The following NID1 variants were observed in gnomAD, a reference collection of about 807,000 sequenced individuals.
NID1 encodes nidogen-1.
Under a neutral mutation model 130.6 loss-of-function variants are expected in NID1, and 76 were observed. The ratio of observed to expected loss-of-function variants is 0.58; its 90% confidence interval spans 0.48 to 0.70. NID1 has a LOEUF of 0.70. NID1 is among the 30% of genes least tolerant of loss of function. NID1 has a pLI of 0.00. For synonymous variants in NID1, 665 were observed against 675.1 expected (o/e 0.98, Z 0.23); for missense variants, 1,517 against 1,664.8 (o/e 0.91, Z 1.54).
intron 4 of NID1, among the ~76,000 whole-genome samples, chr1:236,039,461 C>G (rs1337133674): frequency 6.6e-6 from 1 of 151,906 alleles, no homozygotes; most frequent in African/African-American, 2.4e-5. Context: ...AGCACTTATA[C>G]TCAAAAGCTG....
intron 5 of NID1, among the ~76,000 whole-genome samples, chr1:236,034,820 AG>A (rs1659205083): frequency 6.6e-6 from 1 of 152,146 alleles, no homozygotes; most frequent in Non-Finnish European, 1.5e-5. Flanking sequence ...CTGAAGGAAG[AG>A]GGAAAACAAA....
rs3738531 is a variant in NID1 at position 236,012,027 on chromosome 1, C to A, written c.2421G>T (p.Gln807His). 192,946 of 1,613,340 alleles carry A rather than the reference C, an allele frequency of 0.12. 14,961 individuals are homozygous for A. Among genetic ancestry groups the A allele is most frequent in the Admixed American group, 0.29 (17,603 of 59,988 alleles). ...AGGCGTCAGGGTGACATCGGCTTGG[C>A]TGGCATTCATCTACATCTGTAAAAC... ...GQACQDVDECQPSRCHPDAFC... is the reference protein window; with the variant it reads ...GQACQDVDECHPSRCHPDAFC... Residue 807 changes from glutamine (Q) to histidine (H), a missense_variant, in exon 12 of 20, where the codon CAG (glutamine) becomes CAT (histidine). Physicochemically the swap from Gln to His is conservative, Grantham distance 24. Around this residue, in one of 3 missense-constraint regions of NID1, gnomAD observed 1,329 missense variants for 1,429.2 expected, o/e 0.93. Coordinates refer to ENST00000264187, the MANE Select transcript of NID1 (RefSeq NM_002508.3).
At chr1:236,024,862 G>T (rs560684505) in intron 8 of NID1, among the ~76,000 whole-genome samples, 1 of 152,056 alleles carries the variant, frequency 6.6e-6, no homozygotes, top group African/African-American at 2.4e-5. Flanking sequence ...AGACCGCAGC[G>T]CCAGTGATGC....
rs777413370 is a variant in NID1, at chr1:235,990,870, A to C, written c.2928+16T>G. 6.2e-7 allele frequency: 1 copy of C among 1,613,784 alleles called. No homozygotes were observed. The highest frequency in any genetic ancestry group is 1.1e-5 in the South Asian group (1 of 91,060). On this transcript the variant is annotated intron_variant, in intron 14 of 19. Coordinates refer to ENST00000264187, the MANE Select transcript of NID1 (RefSeq NM_002508.3). ...GAAGCAGGAGCTGTCACCAGGTATA[A>C]TCAGCCAGCACTCACCGGGACATGA...
chr1:236,013,549 G>T lies in NID1; in HGVS notation c.2266C>A (p.Gln756Lys). ...DEGTCVAVVDQRPINYCETGL... is the reference protein window; with the variant it reads ...DEGTCVAVVDKRPINYCETGL... ...GTTTCACAGTAGTTGATGGGGCGCTGGTCCACGACAGCTTCAGAACAAAAG... is the reference window on the plus strand; with the variant it reads ...GTTTCACAGTAGTTGATGGGGCGCTTGTCCACGACAGCTTCAGAACAAAAG... The change falls in exon 11 of 20, where the codon CAG becomes AAG. Residue 756 changes from glutamine to lysine, a missense_variant. Gln to Lys is a moderately conservative substitution (Grantham distance 53). Coordinates refer to ENST00000264187, the MANE Select transcript of NID1 (RefSeq NM_002508.3). The T allele has an allele frequency of 6.2e-7, 1 of 1,614,144 alleles. No individual in the cohort carries two copies.
At chr1:236,000,200 C>T (rs182011084) in intron 12 of NID1, among the ~76,000 whole-genome samples, 67 of 138,700 alleles carry the variant, frequency 4.8e-4, no homozygotes, top group Non-Finnish European at 7.4e-4. Context: ...GGTGACAGAG[C>T]GAGACTCTAT....
At chr1:236,011,489 G>C (rs922221613) in intron 12 of NID1, among the ~76,000 whole-genome samples, 11 of 152,060 alleles carry the variant, frequency 7.2e-5, no homozygotes, top group Admixed American at 5.2e-4. Context: ...TTTTAGTAGA[G>C]AGGGGGTTTT....
In NID1 at chr1:235,991,004, A is replaced by G. The variant is rs755447617; in HGVS notation, c.2810T>C (p.Val937Ala). ...IHQGPAVPTA[V>A]IPLPPGTHLL... ...ATGGGTCCCAGGAGGCAAGGGGATCACGGCGGTAGGCACCGCAGGTCCTTG... is the reference window on the plus strand; with the variant it reads ...ATGGGTCCCAGGAGGCAAGGGGATCGCGGCGGTAGGCACCGCAGGTCCTTG... Residue 937 changes from valine (V) to alanine (A), a missense_variant, in exon 14 of 20, where the codon GTG becomes GCG. Physicochemically the swap from Val to Ala is moderately conservative, Grantham distance 64 (BLOSUM62 0). This residue lies in a region of NID1 where 1,329 missense variants were observed against 1,429.2 expected (regional missense o/e 0.93). Transcript: ENST00000264187. The G allele has an allele frequency of 1.9e-6, 3 of 1,613,270 alleles. No homozygotes were observed. The highest frequency in any genetic ancestry group is 2.5e-6 in the Non-Finnish European group (3 of 1,179,592).
At chr1:236,042,389 G>T in intron 3 of NID1, 97 bp from the exon 4 acceptor site, 2 of 1,452,444 alleles carry the variant, frequency 1.4e-6, no homozygotes, top group South Asian at 1.3e-5. Flanking sequence ...GTGTTGGTCT[G>T]CAAGCCATCA....
Position 235,976,926 on chromosome 1 carries a change from A to G in NID1, c.*941T>C, listed in dbSNP as rs959089309. 7 of 152,138 alleles carry G rather than the reference A, an allele frequency of 4.6e-5. No homozygotes were observed. The highest frequency in any genetic ancestry group is 8.8e-5 in the Non-Finnish European group (6 of 68,066). 9.4% of individuals were successfully genotyped at this position (152,138 alleles called of 1,614,324 possible). A position where few individuals can be genotyped will look rare whatever the true frequency, so the allele number is the denominator to read the frequency against. ...TCATCTGGTGCCAGCCCCATCCTGT[A>G]CCTCAGATAGGTCTCCGTGAAAAGG... On this transcript the variant is annotated 3_prime_UTR_variant, in exon 20 of 20. Transcript: ENST00000264187.
At chr1:236,030,678 A>G (rs534312042) in intron 6 of NID1, among the ~76,000 whole-genome samples, 2 of 152,350 alleles carry the variant, frequency 1.3e-5, no homozygotes, top group South Asian at 4.1e-4. Flanking sequence ...TTAAATATTT[A>G]CTATCTGGCC....
chr1:235,985,752 G>A (rs969628874), intron 14 of NID1, among the ~76,000 whole-genome samples: 139 of 147,096 alleles, frequency 9.4e-4, no homozygotes, highest in Middle Eastern at 7.0e-3. Context: ...GTGTGTGTGT[G>A]TGTATATATA....
chr1:236,024,676 A>G (rs1658870200), intron 8 of NID1, among the ~76,000 whole-genome samples: 1 of 152,232 alleles, frequency 6.6e-6, no homozygotes, highest in Non-Finnish European at 1.5e-5. Context: ...TTGGATATGG[A>G]GGAAGAATCA....
chr1:236,011,360 T>C (rs1021350390), intron 12 of NID1, among the ~76,000 whole-genome samples: 3 of 149,986 alleles, frequency 2.0e-5, no homozygotes, highest in African/African-American at 7.4e-5. Context: ...TGGACTACAG[T>C]GGCTCAATTG....
intron 5 of NID1, among the ~76,000 whole-genome samples, chr1:236,035,032 G>T: frequency 7.7e-6 from 1 of 130,124 alleles, no homozygotes; most frequent in Admixed American, 8.0e-5. Flanking sequence ...TAGGGTACAT[G>T]TGCACATTGT....
In NID1 at chr1:236,003,132, C is replaced by CACTCCTATTGAACGAG. The variant is rs1558428657; in HGVS notation, c.2527+8788_2527+8789insCTCGTTCAATAGGAGT. 1.8e-4 allele frequency among the ~76,000 whole-genome samples: 20 copies of CACTCCTATTGAACGAG among 113,744 alleles called. 1 individual carries two copies. Among genetic ancestry groups the CACTCCTATTGAACGAG allele is most frequent in the African/African-American group, 6.0e-4 (18 of 30,122 alleles). 74.6% of individuals were successfully genotyped at this position (113,744 alleles called of 152,430 possible). ...GGTAGTTGTCACTCCTAGTGAACGA[C>CACTCCTATTGAACGAG]TGGTAGTTGTCACTCCTAGTGAACG... On this transcript the variant is annotated intron_variant, in intron 12 of 19. Coordinates refer to ENST00000264187, the MANE Select transcript of NID1 (RefSeq NM_002508.3).
At chr1:236,017,002 G>A (rs1278107888) in intron 10 of NID1, 146 bp downstream of exon 10, 14 of 1,001,142 alleles carry the variant, frequency 1.4e-5, no homozygotes, top group Non-Finnish European at 2.1e-5. Context: ...GGAGGGCAGA[G>A]GCTAAGTCTG....
Position 235,979,738 on chromosome 1 carries a change from G to C in NID1, c.3509+84C>G. On this transcript the variant is annotated intron_variant, in intron 18 of 19. Coordinates refer to ENST00000264187, the MANE Select transcript of NID1 (RefSeq NM_002508.3). This position sits in a 1 kb window ranked among gnomAD's most constrained non-coding sequence, Gnocchi z 4.6. ...TGGAGGCTCAAAAGTCAAGCCAAGA[G>C]GCCAGATGGGAAGGGCCTGGCCTCC... 1 of 1,529,978 alleles carries C rather than the reference G, an allele frequency of 6.5e-7. No individual in the cohort carries two copies. Among genetic ancestry groups the C allele is most frequent in the Admixed American group, 1.7e-5 (1 of 58,566 alleles). The allele number at this position is 1,529,978 out of a possible 1,614,324, so 94.8% of individuals were successfully genotyped here. A position where few individuals can be genotyped will look rare whatever the true frequency, so the allele number is the denominator to read the frequency against.
rs183742301 is a variant in NID1 at position 235,995,536 on chromosome 1, A to T, written c.2528-1664T>A. ...GTATCGACCACACAAAGCAATGTCC[A>T]GACACTGGCAGGAGGTACCCATTCT... On this transcript the variant is annotated intron_variant, in intron 12 of 19. Coordinates refer to ENST00000264187, the MANE Select transcript of NID1 (RefSeq NM_002508.3). 8.7e-4 allele frequency among the ~76,000 whole-genome samples: 133 copies of T among 152,350 alleles called. 1 individual carries two copies. The highest frequency in any genetic ancestry group is 1.0e-3 in the Non-Finnish European group (68 of 68,036).
Sources: allele counts gnomAD v4.1 joint callset (sites outside exome capture counted in the v4.1 genomes callset), GRCh38; gene constraint gnomAD v4.1.1; regional missense constraint gnomAD v4.1.1; non-coding constraint Gnocchi (gnomAD v3.1); transcripts MANE v1.5; gene names NCBI Gene and HGNC (gene_info 2026-07-23, HGNC 2026-07-21).